PDLIM5: variants seen among roughly 807,000 people sequenced by gnomAD.
PDLIM5 encodes the protein PDZ and LIM domain 5.
PDLIM5 carries 34 observed loss-of-function variants against 64.2 expected under a neutral mutation model. That is an observed-to-expected ratio of 0.53 (90% CI 0.40 to 0.71). The LOEUF (loss-of-function observed/expected upper bound fraction) is 0.71. Among genes scored for constraint, PDLIM5 ranks in the 30% least tolerant of loss-of-function variants. The pLI is 0.00. For synonymous variants in PDLIM5, 253 were observed against 269.1 expected, an observed-to-expected ratio of 0.94 and a Z score of 0.59; for missense variants, 683 against 733.6, an observed-to-expected ratio of 0.93 and a Z score of 0.80.
chr4:94,599,189 G>C (rs1737295717), intron 7 of PDLIM5, among the ~76,000 whole-genome samples: 1 of 152,122 alleles, frequency 6.6e-6, no homozygotes, highest in Admixed American at 6.6e-5. Context: ...TTAATTGTAA[G>C]GGAGAAATAA....
intron 9 of PDLIM5, among the ~76,000 whole-genome samples, chr4:94,649,588 G>A (rs1741686723): frequency 6.6e-6 from 1 of 152,080 alleles, no homozygotes; most frequent in Non-Finnish European, 1.5e-5. Flanking sequence ...TGCAATCAGG[G>A]CTTTTTTTGG....
Position 94,662,411 on chromosome 4 carries a change from C to A in PDLIM5, c.1586-11C>A. 8.1e-7 allele frequency: 1 copy of A among 1,233,250 alleles called. No homozygotes were observed. Among genetic ancestry groups the A allele is most frequent in the Non-Finnish European group, 1.2e-6 (1 of 832,774 alleles). 76.4% of individuals were successfully genotyped at this position (1,233,250 alleles called of 1,614,324 possible). ...GTTTAAATTATGTCTCTCTGCCCTCCCTTAATACAGATTATTATGCCCTCT... is the reference window on the plus strand; with the variant it reads ...GTTTAAATTATGTCTCTCTGCCCTCACTTAATACAGATTATTATGCCCTCT... On this transcript the variant is annotated splice_polypyrimidine_tract_variant and intron_variant, in intron 11 of 12. Transcript: ENST00000317968.
intron 10 of PDLIM5, among the ~76,000 whole-genome samples, chr4:94,656,367 T>G (rs1319455981): frequency 2.6e-5 from 4 of 152,012 alleles, no homozygotes; most frequent in Non-Finnish European, 5.9e-5. Flanking sequence ...CCAAAACCTC[T>G]TTTACTAACT....
At chr4:94,529,455 C>G (rs1730664656) in intron 3 of PDLIM5, among the ~76,000 whole-genome samples, 1 of 152,112 alleles carries the variant, frequency 6.6e-6, no homozygotes, top group African/African-American at 2.4e-5. Context: ...TATATATCCA[C>G]TAATTTTTAA....
chr4:94,471,496 C>A (rs991584090), intron 2 of PDLIM5, among the ~76,000 whole-genome samples: 9 of 151,646 alleles, frequency 5.9e-5, no homozygotes, highest in Non-Finnish European at 1.3e-4. Flanking sequence ...ATTTTTCTTG[C>A]TTTTTTCATA....
chr4:94,610,933 G>C (rs964748449), intron 7 of PDLIM5: 1 of 602,572 alleles, frequency 1.7e-6, no homozygotes, highest in African/African-American at 1.9e-5. Context: ...GCTGCTTTGT[G>C]CTTCCCCTCC....
At chr4:94,462,593 A>G (rs1723999084) in intron 2 of PDLIM5, among the ~76,000 whole-genome samples, 1 of 151,908 alleles carries the variant, frequency 6.6e-6, no homozygotes, top group South Asian at 2.1e-4. Context: ...AATTTTTTCT[A>G]GTCTTTTGCT....
intron 2 of PDLIM5, among the ~76,000 whole-genome samples, chr4:94,497,741 C>T (rs182566158): frequency 9.2e-4 from 140 of 152,192 alleles, no homozygotes; most frequent in African/African-American, 3.2e-3. Flanking sequence ...TGTGTGTGAA[C>T]GATATATTGC....
rs72667619 is a variant in PDLIM5 at position 94,496,554 on chromosome 4, A to G, written c.97-27170A>G. Among the ~76,000 whole-genome samples the G allele has an allele frequency of 5.7e-3, 873 of 152,278 alleles. 5 individuals are homozygous for G. Among genetic ancestry groups the G allele is most frequent in the Non-Finnish European group, 9.7e-3 (657 of 68,024 alleles). ...GCCCAGGCTAGGGTGCAGTGGTACAATCTCTGTTCACTGCAGCCTCTGCCT... is the reference window on the plus strand; with the variant it reads ...GCCCAGGCTAGGGTGCAGTGGTACAGTCTCTGTTCACTGCAGCCTCTGCCT... On this transcript the variant is annotated intron_variant, in intron 2 of 12. Coordinates refer to ENST00000317968, the MANE Select transcript of PDLIM5 (RefSeq NM_006457.5).
intron 3 of PDLIM5, among the ~76,000 whole-genome samples, chr4:94,528,298 A>C (rs970645589): frequency 1.3e-5 from 2 of 152,086 alleles, no homozygotes; most frequent in Admixed American, 1.3e-4. Context: ...TCCCCTTCTG[A>C]ACTTGTATGA....
chr4:94,637,807 T>C (rs1740686366), intron 8 of PDLIM5, among the ~76,000 whole-genome samples: 1 of 152,060 alleles, frequency 6.6e-6, no homozygotes, highest in Admixed American at 6.6e-5. Flanking sequence ...TTTGGAAAAA[T>C]AATCTAGCAG....
chr4:94,489,559 T>A (rs1241347657), intron 2 of PDLIM5, among the ~76,000 whole-genome samples: 2 of 151,950 alleles, frequency 1.3e-5, no homozygotes, highest in African/African-American at 4.8e-5. Context: ...GACATATATA[T>A]AAATATAAAA....
intron 7 of PDLIM5, among the ~76,000 whole-genome samples, chr4:94,592,686 G>GGC (rs1272136557): frequency 2.6e-5 from 4 of 152,136 alleles, no homozygotes; most frequent in African/African-American, 9.7e-5. Context: ...AGAGTGCAGT[G>GGC]GCGCCATCAT....
At chr4:94,559,867 G>A (rs568851576) in intron 3 of PDLIM5, among the ~76,000 whole-genome samples, 1 of 152,294 alleles carries the variant, frequency 6.6e-6, no homozygotes, top group Non-Finnish European at 1.5e-5. Flanking sequence ...TAATATACAT[G>A]TTTTTGGCAT....
At chr4:94,494,429 C>CTTGGTTTTTTTTTTT (rs1727157489) in intron 2 of PDLIM5, among the ~76,000 whole-genome samples, 9 of 51,594 alleles carry the variant, frequency 1.7e-4, no homozygotes, top group Admixed American at 3.2e-4. Flanking sequence ...TTTTTTTTTT[C>CTTGGTTTTTTTTTTT]TTGTTTTTTT....
intron 4 of PDLIM5, 110 bp from the exon 5 acceptor site, chr4:94,575,506 A>G: frequency 2.7e-6 from 2 of 744,152 alleles, no homozygotes; most frequent in Non-Finnish European, 4.5e-6. Context: ...TTGAGCTGCT[A>G]ACCTGATTGT....
At chr4:94,535,091 G>A (rs1731203841) in intron 3 of PDLIM5, among the ~76,000 whole-genome samples, 1 of 152,186 alleles carries the variant, frequency 6.6e-6, no homozygotes, top group South Asian at 2.1e-4. Context: ...AGACTGCTTG[G>A]AAAGAGGTGG....
At chr4:94,659,479 AGTATATATGTGTGTAT>A (rs1189266434) in intron 11 of PDLIM5, among the ~76,000 whole-genome samples, 1 of 135,742 alleles carries the variant, frequency 7.4e-6, no homozygotes, top group African/African-American at 3.0e-5. Flanking sequence ...GAGCAGCTGT[AGTATATATGTGTGTAT>A]GTGTGTGTGT....
intron 7 of PDLIM5, chr4:94,587,185 A>G: frequency 6.8e-7 from 1 of 1,478,376 alleles, no homozygotes; most frequent in Non-Finnish European, 8.9e-7. Flanking sequence ...TTATGAAAAA[A>G]TAGAACTTTT....
Sources: gnomAD v4.1 joint callset for allele counts (sites outside exome capture counted in the v4.1 genomes callset) on GRCh38, gnomAD v4.1.1 for gene constraint, MANE v1.5 for transcripts, NCBI Gene and HGNC (gene_info 2026-07-23, HGNC 2026-07-21) for gene names.